Variants in CSAG2 observed in about 807,000 individuals in gnomAD.
The protein encoded by CSAG2 is CSAG family member 2.
upstream of CSAG2, chrX:152,709,277 C>A (rs1931895387): frequency 1.3e-5 from 1 of 79,955 alleles, no homozygotes; most frequent in Non-Finnish European, 2.0e-5. Flanking sequence ...TATCTTGCAC[C>A]ATACAGAAAT....
In CSAG2 at chrX:152,708,613, CT is replaced by C; in HGVS notation, c.341del (p.Lys114ArgfsTer86). ...TTCCTGGAACTTCCTTGATGGGTCC[CT>C]TTTCCCTTCCGGGTTGTCTTGGGAA... On this transcript the variant is annotated frameshift_variant, in exon 2 of 2. Coordinates refer to ENST00000638741, the Ensembl canonical transcript of CSAG2. LOFTEE classifies it low-confidence loss of function (END_TRUNC). The C allele has an allele frequency of 1.8e-6, 1 of 548,527 alleles. No individual in the cohort carries two copies. The allele number at this position is 548,527 out of a possible 1,213,427, so 45.2% of individuals were successfully genotyped here.
intron 1 of CSAG2, 79 bp from the exon 2 acceptor site, chrX:152,708,719 T>G: frequency 3.9e-6 from 1 of 253,982 alleles, no homozygotes; most frequent in Non-Finnish European, 6.2e-6. Context: ...AGGGGCTTCA[T>G]AGAGAAATGG....
At chrX:152,708,549 G>C in exon 2 of CSAG2, 1 of 450,825 alleles carries the variant, frequency 2.2e-6, no homozygotes, top group Non-Finnish European at 3.0e-6. Context: ...CATTCCTCAG[G>C]TTTTTTTGAA....
upstream of CSAG2, chrX:152,709,333 T>C: frequency 1.0e-5 from 1 of 96,794 alleles, no homozygotes; most frequent in Non-Finnish European, 1.7e-5. Flanking sequence ...AATTACTTTT[T>C]TTTTTTCTAG....
rs1195628047 is a variant in CSAG2, at chrX:152,708,387, TGAA to T, written c.*181_*183del. 2.3e-5 allele frequency: 4 copies of T among 175,236 alleles called. 1 individual carries two copies. Among genetic ancestry groups the T allele is most frequent in the Non-Finnish European group, 4.0e-5 (4 of 100,675 alleles). 14.4% of individuals were successfully genotyped at this position (175,236 alleles called of 1,213,427 possible). Reference sequence around the variant, plus strand: ...CCTCTGGAGACTTTTCAGATAGACTTGAAGTCTCTGGCCTTGCCCGGGAATTAC... The same window carrying T: ...CCTCTGGAGACTTTTCAGATAGACTTGTCTCTGGCCTTGCCCGGGAATTAC... On this transcript the variant is annotated 3_prime_UTR_variant, in exon 2 of 2. Transcript: ENST00000638741.
chrX:152,708,668 G>T, intron 1 of CSAG2, 28 bp from the exon 2 acceptor site: 1 of 533,847 alleles, frequency 1.9e-6, no homozygotes, highest in Non-Finnish European at 2.4e-6. Flanking sequence ...GATCAAAGAA[G>T]GGCACTGGTT....
exon 1 of CSAG2, chrX:152,709,239 G>A (rs1931894751): frequency 9.6e-6 from 1 of 103,888 alleles, no homozygotes; most frequent in African/African-American, 2.2e-4. Flanking sequence ...GCCTAGACAA[G>A]TTGACACATA....
At chrX:152,708,840 A>C (rs1931890553) in exon 1 of CSAG2, 4 of 530,914 alleles carry the variant, frequency 7.5e-6, no homozygotes, top group East Asian at 8.0e-5. Flanking sequence ...GATGCCTTCC[A>C]CTTCCTCGCC....
At chrX:152,709,358 A>G (rs1191836032), upstream of CSAG2, 3 of 104,051 alleles carry the variant, frequency 2.9e-5, 1 homozygote, top group Non-Finnish European at 4.8e-5. Context: ...AAACAAAAAA[A>G]AATTGTGTCA....
intron 1 of CSAG2, 24 bp from the exon 2 acceptor site, chrX:152,708,664 A>G: frequency 1.9e-6 from 1 of 537,027 alleles, no homozygotes; most frequent in Non-Finnish European, 2.3e-6. Flanking sequence ...GGGAGATCAA[A>G]GAAGGGCACT....
upstream of CSAG2, chrX:152,709,327 A>AC (rs1931896021): frequency 1.1e-5 from 1 of 89,605 alleles, no homozygotes; most frequent in Non-Finnish European, 1.8e-5. Flanking sequence ...TGTCAAAATT[A>AC]CTTTTTTTTT....
exon 1 of CSAG2, chrX:152,708,909 C>T: frequency 1.7e-6 from 1 of 602,815 alleles, no homozygotes. Flanking sequence ...GTTTCCTGGA[C>T]ATCTTCACCA....
intron 1 of CSAG2, 48 bp from the exon 2 acceptor site, chrX:152,708,688 G>C: frequency 2.3e-6 from 1 of 435,362 alleles, no homozygotes; most frequent in Non-Finnish European, 3.0e-6. Context: ...TTGGGGAAGA[G>C]GATGGAGGAG....
At chrX:152,708,708 C>T in intron 1 of CSAG2, 68 bp from the exon 2 acceptor site, 1 of 261,932 alleles carries the variant, frequency 3.8e-6, no homozygotes. Flanking sequence ...GGGGTGAGAA[C>T]AGGGGCTTCA....
At chrX:152,708,677 T>A in intron 1 of CSAG2, 37 bp from the exon 2 acceptor site, 1 of 514,066 alleles carries the variant, frequency 1.9e-6, no homozygotes, top group East Asian at 8.7e-5. Flanking sequence ...AGGGCACTGG[T>A]TTGGGGAAGA....
At chrX:152,708,533 C>T in exon 2 of CSAG2, 1 of 377,655 alleles carries the variant, frequency 2.6e-6, no homozygotes, top group Admixed American at 4.4e-5. Flanking sequence ...TAGTGTTGGC[C>T]CACTCCATTC....
exon 2 of CSAG2, chrX:152,708,529 T>TG: frequency 2.7e-6 from 1 of 368,484 alleles, no homozygotes; most frequent in Non-Finnish European, 3.9e-6. Flanking sequence ...TGGATAGTGT[T>TG]GGCCCACTCC....
chrX:152,709,135 T>A lies in CSAG2; in HGVS notation c.-23A>T. The A allele has an allele frequency of 6.9e-6, 1 of 145,623 alleles. No individual in the cohort carries two copies. 12.0% of individuals were successfully genotyped at this position (145,623 alleles called of 1,213,427 possible). A position where few individuals can be genotyped will look rare whatever the true frequency, so the allele number is the denominator to read the frequency against. On this transcript the variant is annotated 5_prime_UTR_variant, in exon 1 of 2. In the 5' UTR this introduces an upstream ATG that the reference lacks. Coordinates refer to ENST00000638741, the Ensembl canonical transcript of CSAG2. The stretch of plus-strand genomic sequence containing the variant: ...CATTATGGAAGTTAAACTGCTTTAC[T>A]TAAAATCAACTGATTGTAAATGTTG...
chrX:152,708,670 G>C lies in CSAG2; in HGVS notation c.315-30C>G. 8 of 530,665 alleles carry C rather than the reference G, an allele frequency of 1.5e-5. 3 individuals carry two copies. The highest frequency in any genetic ancestry group is 1.4e-5 in the Non-Finnish European group (6 of 419,188). The allele number at this position is 530,665 out of a possible 1,213,427, so 43.7% of individuals were successfully genotyped here. On this transcript the variant is annotated intron_variant, in intron 1 of 1. Coordinates refer to ENST00000638741, the Ensembl canonical transcript of CSAG2. Reference sequence around the variant, plus strand: ...AAGGAAACAGGGAGATCAAAGAAGGGCACTGGTTTGGGGAAGAGGATGGAG... The same window carrying C: ...AAGGAAACAGGGAGATCAAAGAAGGCCACTGGTTTGGGGAAGAGGATGGAG...
Sources: gnomAD v4.1 joint callset for allele counts on GRCh38, gnomAD v4.1.1 for gene constraint, MANE v1.5 for transcripts, NCBI Gene and HGNC (gene_info 2026-07-23, HGNC 2026-07-21) for gene names.